Variants in CALCR observed in about 807,000 individuals in gnomAD.
The protein encoded by CALCR is calcitonin receptor.
Under a neutral mutation model 59.5 loss-of-function variants are expected in CALCR, and 47 were observed. The observed-to-expected ratio is 0.79, with a 90% CI of 0.63 to 1.01. CALCR has a LOEUF of 1.01. Ranked by LOEUF, CALCR falls within the 50% of genes least tolerant of loss-of-function variation. The pLI, the probability that CALCR is intolerant of heterozygous loss-of-function variation, is 0.00. For synonymous variants in CALCR, 213 were observed against 211.3 expected (o/e 1.01, Z -0.07); for missense variants, 566 against 597.1 (o/e 0.95, Z 0.54).
chr7:93,519,468 G>A (rs1801713836), intron 2 of CALCR, among the ~76,000 whole-genome samples: 1 of 152,012 alleles, frequency 6.6e-6, no homozygotes, highest in African/African-American at 2.4e-5. Flanking sequence ...GTAAATGATA[G>A]TCTGTCTTTA....
intron 9 of CALCR, among the ~76,000 whole-genome samples, chr7:93,438,629 T>G (rs1799834794): frequency 1.3e-5 from 2 of 152,164 alleles, no homozygotes; most frequent in South Asian, 2.1e-4. Flanking sequence ...GCCTCTCTTA[T>G]GGAGAGGAGC....
chr7:93,496,953 A>G (rs1283956645), intron 2 of CALCR, among the ~76,000 whole-genome samples: 1 of 151,568 alleles, frequency 6.6e-6, no homozygotes, highest in East Asian at 1.9e-4. Context: ...ATCATTCTTC[A>G]TTATTACAGG....
At chr7:93,515,077 T>C (rs896595044) in intron 2 of CALCR, among the ~76,000 whole-genome samples, 19 of 152,038 alleles carry the variant, frequency 1.2e-4, no homozygotes, top group African/African-American at 4.6e-4. Context: ...CTGACATCAG[T>C]AGAAAATCCT....
chr7:93,462,224 A>G, intron 7 of CALCR: 2 of 562,996 alleles, frequency 3.6e-6, no homozygotes, highest in Non-Finnish European at 6.1e-6. Flanking sequence ...TTAATAAATA[A>G]TATTTTTAAA....
At chr7:93,430,814 GAAATCTTCCAGGTGATTCTGAT>G (rs1457300341) in intron 13 of CALCR, among the ~76,000 whole-genome samples, 2 of 152,172 alleles carry the variant, frequency 1.3e-5, no homozygotes, top group African/African-American at 4.8e-5. Context: ...CCTGGTTTCA[GAAATCTTCCAGGTGATTCTGAT>G]GTACACTCAA....
At chr7:93,440,850 AG>A (rs1332870629) in intron 9 of CALCR, among the ~76,000 whole-genome samples, 9 of 152,144 alleles carry the variant, frequency 5.9e-5, no homozygotes, top group African/African-American at 2.2e-4. Context: ...ACCATTGATT[AG>A]CAACTCCCCG....
intron 8 of CALCR, among the ~76,000 whole-genome samples, chr7:93,454,601 A>G (rs1249145014): frequency 6.9e-6 from 1 of 145,306 alleles, no homozygotes; most frequent in East Asian, 2.0e-4. Flanking sequence ...AGCTCATCGA[A>G]TGAGCAGATA....
intron 2 of CALCR, among the ~76,000 whole-genome samples, chr7:93,517,304 C>CTTTTTTTTTTTTTCTT (rs753908420): frequency 6.8e-5 from 10 of 147,212 alleles, no homozygotes; most frequent in African/African-American, 2.5e-4. Context: ...GATTTGAGAA[C>CTTTTTTTTTTTTTCTT]TTTTTTTTTT....
chr7:93,495,950 G>T (rs1801192447), intron 2 of CALCR: 1 of 1,522,832 alleles, frequency 6.6e-7, no homozygotes, highest in Non-Finnish European at 8.8e-7. Context: ...GGCAAAAGTG[G>T]GTGGATCAGT....
At chr7:93,554,483 C>T (rs189842915) in intron 2 of CALCR, among the ~76,000 whole-genome samples, 1 of 151,794 alleles carries the variant, frequency 6.6e-6, no homozygotes, top group African/African-American at 2.4e-5. Context: ...TAAAGTTAAC[C>T]CTGTCATAAT....
At chr7:93,547,893 A>G (rs901028749) in intron 2 of CALCR, among the ~76,000 whole-genome samples, 2 of 152,140 alleles carry the variant, frequency 1.3e-5, no homozygotes, top group African/African-American at 2.4e-5. Context: ...AAAGGAGCTT[A>G]TGGGACTGTG....
intron 2 of CALCR, among the ~76,000 whole-genome samples, chr7:93,567,766 G>A (rs1789900188): frequency 6.8e-6 from 1 of 145,996 alleles, no homozygotes; most frequent in Non-Finnish European, 1.5e-5. Context: ...TGTTCTCATT[G>A]TTCAATTCCC....
At chr7:93,434,163 G>A (rs1421241757) in intron 13 of CALCR, 90 bp downstream of exon 13, 13 of 880,016 alleles carry the variant, frequency 1.5e-5, no homozygotes, top group Non-Finnish European at 2.3e-5. Context: ...CTGTAGAAGT[G>A]AGATGAAATG....
chr7:93,480,328 T>A (rs994220543), intron 3 of CALCR, among the ~76,000 whole-genome samples: 2 of 151,910 alleles, frequency 1.3e-5, no homozygotes, highest in African/African-American at 2.4e-5. Context: ...ACCAATGTTT[T>A]TAGTGGTGTT....
chr7:93,459,372 C>A lies in CALCR; in HGVS notation c.648+1449G>T, dbSNP rs544983228. Among the ~76,000 whole-genome samples, 66 of 152,254 alleles carry A rather than the reference C, an allele frequency of 4.3e-4. 2 individuals carry two copies. In the South Asian group the frequency reaches 0.013, roughly 31 times the overall value. ...ATATGATTTGAGGCAAATTGCTTTG[C>A]CTTTTTATCCTCAAGTTTCTGATCT... On this transcript the variant is annotated intron_variant, in intron 8 of 13. Transcript: ENST00000426151.
chr7:93,456,013 C>T (rs1800202522), intron 8 of CALCR, among the ~76,000 whole-genome samples: 1 of 151,926 alleles, frequency 6.6e-6, no homozygotes, highest in Non-Finnish European at 1.5e-5. Context: ...CCCTATGTTG[C>T]TTGTATATGG....
At position 93,537,127 on chromosome 7, in the gene CALCR, A is replaced by G. The variant is rs183800499; in HGVS notation, c.-27+37162T>C. Among the ~76,000 whole-genome samples the G allele has an allele frequency of 1.8e-3, 280 of 151,950 alleles. 4 individuals are homozygous for G. In the Middle Eastern group the frequency reaches 0.031, roughly 17 times the overall value. On this transcript the variant is annotated intron_variant, in intron 2 of 13. Transcript: ENST00000426151. Reference sequence around the variant, plus strand: ...TGAAAACAAAAAGAAAAAAAAACCAATGTAAAGAAAAAGTTGTGAGACAAT... The same window carrying G: ...TGAAAACAAAAAGAAAAAAAAACCAGTGTAAAGAAAAAGTTGTGAGACAAT...
intron 8 of CALCR, among the ~76,000 whole-genome samples, chr7:93,460,145 T>C (rs1800285450): frequency 2.6e-5 from 4 of 152,158 alleles, no homozygotes; most frequent in Admixed American, 2.6e-4. Context: ...TAACCATTTG[T>C]GGCACACTAG....
At chr7:93,528,019 T>G (rs1357996681) in intron 2 of CALCR, among the ~76,000 whole-genome samples, 2 of 152,212 alleles carry the variant, frequency 1.3e-5, no homozygotes, top group East Asian at 3.8e-4. Context: ...GAATATAAGA[T>G]ATCATTATCT....
Sources: allele counts gnomAD v4.1 joint callset (sites outside exome capture counted in the v4.1 genomes callset), GRCh38; gene constraint gnomAD v4.1.1; transcripts MANE v1.5; gene names NCBI Gene and HGNC (gene_info 2026-07-23, HGNC 2026-07-21).